The following SGCD variants were observed in gnomAD, a reference collection of about 807,000 sequenced individuals.
SGCD encodes the protein delta-sarcoglycan.
SGCD carries 18 observed loss-of-function variants against 36.6 expected under a neutral mutation model. The observed-to-expected ratio is 0.49, with a 90% CI of 0.34 to 0.73. The LOEUF is 0.73. SGCD is among the 30% of genes least tolerant of loss of function. The probability of loss-of-function intolerance (pLI) is 0.01; values close to 1 mark genes in which losing one functional copy is unlikely to be tolerated. For synonymous variants in SGCD, 133 were observed against 130.6 expected, an observed-to-expected ratio of 1.02 and a Z score of -0.12; for missense variants, 387 against 346.7, an observed-to-expected ratio of 1.12 and a Z score of -0.92.
chr5:155,772,799 T>A, the SGCD span, among the ~76,000 whole-genome samples: 71 of 152,232 alleles, frequency 4.7e-4, no homozygotes, highest in Admixed American at 1.6e-3. Context: ...TTTTCCCCTT[T>A]TCCCCTGTCC....
At chr5:156,362,538 C>T (rs945908048) in intron 3 of SGCD, among the ~76,000 whole-genome samples, 3 of 152,040 alleles carry the variant, frequency 2.0e-5, no homozygotes, top group Non-Finnish European at 2.9e-5. Context: ...CCCAGCTACT[C>T]GAGAGGCTGA....
intron 6 of SGCD, among the ~76,000 whole-genome samples, chr5:156,602,421 T>C (rs1453415044): frequency 6.6e-6 from 1 of 152,180 alleles, no homozygotes; most frequent in Non-Finnish European, 1.5e-5. Context: ...AGGGACAATT[T>C]GATTTCCTCC....
At chr5:155,924,464 G>T (rs2113379982) in intron 1 of SGCD, among the ~76,000 whole-genome samples, 1 of 152,316 alleles carries the variant, frequency 6.6e-6, no homozygotes, top group Non-Finnish European at 1.5e-5. Flanking sequence ...GCCAGAGAGA[G>T]CCCCATGGAA....
intron 3 of SGCD, among the ~76,000 whole-genome samples, chr5:156,165,375 T>C (rs942832252): frequency 6.6e-6 from 1 of 152,214 alleles, no homozygotes; most frequent in African/African-American, 2.4e-5. Flanking sequence ...TAAAAAGGTC[T>C]AAGAGATGGA....
chr5:155,732,724 G>A, the SGCD span, among the ~76,000 whole-genome samples: 1 of 152,146 alleles, frequency 6.6e-6, no homozygotes, highest in Non-Finnish European at 1.5e-5. Context: ...GGGCAGAGAG[G>A]CCAGAGATCT....
the SGCD span, among the ~76,000 whole-genome samples, chr5:155,833,145 A>C: frequency 6.6e-6 from 1 of 151,764 alleles, no homozygotes; most frequent in African/African-American, 2.4e-5. Flanking sequence ...CAGGAGAATC[A>C]CTTGAACCTG....
chr5:156,540,565 A>G (rs1163606037), intron 4 of SGCD, among the ~76,000 whole-genome samples: 1 of 152,170 alleles, frequency 6.6e-6, no homozygotes, highest in African/African-American at 2.4e-5. Flanking sequence ...GAATATTTAC[A>G]TGAAAATCCT....
At chr5:155,742,464 A>G in the SGCD span, among the ~76,000 whole-genome samples, 5 of 152,192 alleles carry the variant, frequency 3.3e-5, no homozygotes, top group Non-Finnish European at 7.3e-5. Context: ...TGAGATTGAT[A>G]AACTATTAAA....
chr5:156,360,690 C>A (rs1769740780), intron 3 of SGCD, among the ~76,000 whole-genome samples: 1 of 151,980 alleles, frequency 6.6e-6, no homozygotes, highest in Admixed American at 6.5e-5. Context: ...TTGAGGAGAC[C>A]ACTGGACTTT....
At chr5:156,565,543 A>T (rs72801147) in intron 4 of SGCD, among the ~76,000 whole-genome samples, 2,539 of 152,246 alleles carry the variant, frequency 0.017, 37 homozygotes, top group Non-Finnish European at 0.026. Context: ...TAAAATTTGC[A>T]TAAATTCAGT....
At chr5:156,723,726 G>C (rs1298489045) in intron 7 of SGCD, among the ~76,000 whole-genome samples, 1 of 152,172 alleles carries the variant, frequency 6.6e-6, no homozygotes, top group African/African-American at 2.4e-5. Context: ...TGAAAGGAAG[G>C]CATGATCAAG....
intron 1 of SGCD, among the ~76,000 whole-genome samples, chr5:155,953,451 G>A (rs1235498426): frequency 6.6e-6 from 1 of 152,144 alleles, no homozygotes; most frequent in African/African-American, 2.4e-5. Context: ...AGCTGCAACA[G>A]AAACCATGGC....
At chr5:156,103,493 TA>T (rs1761572437) in intron 1 of SGCD, among the ~76,000 whole-genome samples, 1 of 152,200 alleles carries the variant, frequency 6.6e-6, no homozygotes, top group Non-Finnish European at 1.5e-5. Context: ...GTTTCCATTT[TA>T]ATGGTATAAG....
At position 155,885,104 on chromosome 5, in the gene SGCD, A is replaced by T. The variant is rs549822564; in HGVS notation, c.-282+14680A>T. On this transcript the variant is annotated intron_variant, in intron 1 of 9. Coordinates refer to the SGCD transcript ENST00000517913. ...ATTGATATCCAGAAAGTCTAAGGTG[A>T]TCCACTCTTCGTGCTAGAGATCATC... Among the ~76,000 whole-genome samples, 4 of 117,074 alleles carry T rather than the reference A, an allele frequency of 3.4e-5. 2 individuals are homozygous for T. The highest frequency in any genetic ancestry group is 1.7e-4 in the African/African-American group (4 of 23,208). The allele number at this position is 117,074 out of a possible 152,430, so 76.8% of individuals were successfully genotyped here.
intron 7 of SGCD, among the ~76,000 whole-genome samples, chr5:156,678,485 A>T (rs1753598585): frequency 6.6e-6 from 1 of 152,244 alleles, no homozygotes; most frequent in Non-Finnish European, 1.5e-5. Context: ...ACATAAGTGT[A>T]TGAAAAGTAC....
intron 3 of SGCD, among the ~76,000 whole-genome samples, chr5:156,219,952 G>T (rs13185739): frequency 6.6e-6 from 1 of 152,142 alleles, no homozygotes; most frequent in African/African-American, 2.4e-5. Context: ...TGTGATCTTT[G>T]CATTTAAGTT....
At chr5:155,781,564 C>T in the SGCD span, among the ~76,000 whole-genome samples, 66 of 152,276 alleles carry the variant, frequency 4.3e-4, no homozygotes, top group Admixed American at 1.2e-3. Flanking sequence ...TGAGTACCAG[C>T]GATCCTGCCA....
intron 3 of SGCD, among the ~76,000 whole-genome samples, chr5:156,353,058 A>G (rs1039257133): frequency 6.6e-5 from 10 of 152,218 alleles, no homozygotes; most frequent in African/African-American, 2.4e-4. Context: ...ACACATTGTA[A>G]AACAGTAAAA....
At chr5:156,414,606 CTG>C (rs1772932908) in intron 3 of SGCD, among the ~76,000 whole-genome samples, 2 of 152,330 alleles carry the variant, frequency 1.3e-5, no homozygotes, top group South Asian at 4.1e-4. Context: ...GCCACAGACA[CTG>C]TGTAAATAAA....
Sources: allele counts gnomAD v4.1 joint callset (sites outside exome capture counted in the v4.1 genomes callset), GRCh38; gene constraint gnomAD v4.1.1; transcripts MANE v1.5; gene names NCBI Gene and HGNC (gene_info 2026-07-23, HGNC 2026-07-21).